Variants in ANK3 observed in about 807,000 individuals in gnomAD.
ANK3 encodes the protein ankyrin 3, also known as ankyrin-3.
In ANK3, 57 loss-of-function variants were observed where a neutral mutation model predicts 370.9. That is an observed-to-expected ratio of 0.15 (90% CI 0.12 to 0.19). The LOEUF (loss-of-function observed/expected upper bound fraction) is 0.19, where lower values mean the gene tolerates loss of function less well. ANK3 is among the 10% of genes least tolerant of loss of function. The pLI is 1.00. For synonymous variants in ANK3, 1,929 were observed against 1,946.3 expected (o/e 0.99, Z 0.23); for missense variants, 4,439 against 5,302.1 (o/e 0.84, Z 5.06).
At chr10:60,529,519 G>A (rs1313328288) in intron 2 of ANK3, among the ~76,000 whole-genome samples, 6 of 152,068 alleles carry the variant, frequency 3.9e-5, no homozygotes, top group Admixed American at 2.0e-4. Flanking sequence ...TCAGGTGCAC[G>A]CACTCCAGAG....
intron 2 of ANK3, among the ~76,000 whole-genome samples, chr10:60,429,354 GA>G (rs2063962434): frequency 6.6e-6 from 1 of 152,126 alleles, no homozygotes; most frequent in South Asian, 2.1e-4. Flanking sequence ...TATATAAGGA[GA>G]TGTGGAATAG....
At chr10:60,252,204 T>C (rs934814885) in intron 7 of ANK3, among the ~76,000 whole-genome samples, 1 of 152,210 alleles carries the variant, frequency 6.6e-6, no homozygotes, top group African/African-American at 2.4e-5. Context: ...TTTCTGTATA[T>C]TCTTCAAACC....
chr10:60,232,068 C>T (rs893689538), intron 8 of ANK3, among the ~76,000 whole-genome samples: 1 of 152,114 alleles, frequency 6.6e-6, no homozygotes, highest in Admixed American at 6.5e-5. Context: ...TTTCTCCTGG[C>T]CCTCCCCTGT....
At chr10:60,539,928 G>A (rs575049646) in intron 2 of ANK3, among the ~76,000 whole-genome samples, 116 of 152,008 alleles carry the variant, frequency 7.6e-4, no homozygotes, top group African/African-American at 2.7e-3. Flanking sequence ...AAACAACAAA[G>A]TAGCTCAAAA....
Position 60,715,172 on chromosome 10 carries a change from T to C in ANK3, c.57+18091A>G, listed in dbSNP as rs2079765601. On this transcript the variant is annotated intron_variant, in intron 1 of 43. Transcript: ENST00000373827. ...TCTAGAAAATAAAGTCTACAATTGT[T>C]TTAATTTGGTACAAATTCTATTATA... Among the ~76,000 whole-genome samples the C allele has an allele frequency of 2.0e-5, 3 of 151,932 alleles. No individual in the cohort carries two copies. In the South Asian group the frequency reaches 6.2e-4, roughly 32 times the overall value.
At chr10:60,358,139 CACA>C (rs2058073538) in intron 1 of ANK3, among the ~76,000 whole-genome samples, 6 of 150,384 alleles carry the variant, frequency 4.0e-5, no homozygotes, top group Non-Finnish European at 7.4e-5. Flanking sequence ...CACACACACA[CACA>C]CCCAAAACTT....
chr10:60,537,015 C>T (rs1595230239), intron 2 of ANK3, among the ~76,000 whole-genome samples: 1 of 151,834 alleles, frequency 6.6e-6, no homozygotes, highest in Non-Finnish European at 1.5e-5. Context: ...GTCTGACCCA[C>T]CAACAGCCAG....
intron 1 of ANK3, among the ~76,000 whole-genome samples, chr10:60,687,687 T>A (rs537420868): frequency 4.6e-4 from 70 of 152,284 alleles, no homozygotes; most frequent in African/African-American, 1.6e-3. Flanking sequence ...AGAACTACCA[T>A]ATGAACCAGT....
chr10:60,585,700 A>G (rs750980408), intron 2 of ANK3, among the ~76,000 whole-genome samples: 8 of 152,180 alleles, frequency 5.3e-5, no homozygotes, highest in Non-Finnish European at 1.2e-4. Flanking sequence ...AACTGGAAGA[A>G]TATAGATTAG....
chr10:60,565,782 T>C (rs2077445237), intron 2 of ANK3, among the ~76,000 whole-genome samples: 1 of 152,214 alleles, frequency 6.6e-6, no homozygotes, highest in Admixed American at 6.5e-5. Flanking sequence ...TTGACTATCC[T>C]TTCATGACTT....
chr10:60,660,319 G>A (rs1441219072), intron 1 of ANK3, among the ~76,000 whole-genome samples: 1 of 152,072 alleles, frequency 6.6e-6, no homozygotes, highest in African/African-American at 2.4e-5. Flanking sequence ...ACTGCTCTAG[G>A]CACTAAGGAT....
intron 2 of ANK3, among the ~76,000 whole-genome samples, chr10:60,553,127 T>C (rs1477595228): frequency 1.3e-5 from 2 of 152,168 alleles, no homozygotes; most frequent in Non-Finnish European, 2.9e-5. Flanking sequence ...TAAATTACAA[T>C]TATTGAAATT....
intron 1 of ANK3, among the ~76,000 whole-genome samples, chr10:60,366,155 T>C (rs1455473680): frequency 6.6e-6 from 1 of 151,790 alleles, no homozygotes; most frequent in African/African-American, 2.4e-5. Context: ...CTGGTCAACA[T>C]GGTGAAATCC....
intron 2 of ANK3, among the ~76,000 whole-genome samples, chr10:60,589,514 G>A (rs182328168): frequency 3.3e-5 from 5 of 152,242 alleles, no homozygotes; most frequent in African/African-American, 1.2e-4. Context: ...AAGGTAGCAC[G>A]TTGACTTGGC....
intron 12 of ANK3, 37 bp from the exon 13 acceptor site, chr10:60,200,264 C>T: frequency 6.6e-7 from 1 of 1,507,094 alleles, no homozygotes; most frequent in African/African-American, 1.4e-5. Context: ...AGCTGCAGCT[C>T]TGAAGAAGAG....
rs915483002 is a variant in ANK3 at position 60,105,760 on chromosome 10, T to C, written c.3328+145A>G. 1.8e-5 allele frequency: 13 copies of C among 740,602 alleles called. No homozygotes were observed. In the Admixed American group the frequency reaches 2.4e-4, roughly 14 times the overall value. The allele number at this position is 740,602 out of a possible 1,614,324, so 45.9% of individuals were successfully genotyped here. A position where few individuals can be genotyped will look rare whatever the true frequency, so the allele number is the denominator to read the frequency against. On this transcript the variant is annotated intron_variant, in intron 28 of 43. Transcript: ENST00000280772. ...TAAATGGAACTTCAGCATTATGATA[T>C]AGAAAACAGCAACAAAAGCTGAAGA...
chr10:60,458,325 C>A (rs746095814), intron 2 of ANK3, among the ~76,000 whole-genome samples: 6 of 152,100 alleles, frequency 3.9e-5, no homozygotes, highest in Non-Finnish European at 8.8e-5. Context: ...AGCCCAGGTA[C>A]TCCATAATTC....
At chr10:60,206,589 C>T (rs186602521) in intron 10 of ANK3, among the ~76,000 whole-genome samples, 1 of 152,192 alleles carries the variant, frequency 6.6e-6, no homozygotes, top group Non-Finnish European at 1.5e-5. Context: ...TTATTCTGTT[C>T]TCTTTGCTGT....
chr10:60,470,110 T>C (rs904820009), intron 2 of ANK3, among the ~76,000 whole-genome samples: 2 of 152,158 alleles, frequency 1.3e-5, no homozygotes, highest in African/African-American at 4.8e-5. Context: ...CTACAAAGTT[T>C]TTCGGCTTTC....
Sources: allele counts gnomAD v4.1 joint callset (sites outside exome capture counted in the v4.1 genomes callset), GRCh38; gene constraint gnomAD v4.1.1; transcripts MANE v1.5; gene names NCBI Gene and HGNC (gene_info 2026-07-23, HGNC 2026-07-21).